Variants in HSD17B11 observed in about 807,000 individuals in gnomAD.
HSD17B11 encodes the protein estradiol 17-beta-dehydrogenase 11.
HSD17B11 carries 22 observed loss-of-function variants against 27.8 expected under a neutral mutation model. That is an observed-to-expected ratio of 0.79 (90% CI 0.56 to 1.13). The LOEUF (loss-of-function observed/expected upper bound fraction) is 1.13, where lower values mean the gene tolerates loss of function less well. Ranked by LOEUF, HSD17B11 falls within the 50% of genes most tolerant of loss-of-function variation. The pLI, the probability that HSD17B11 is intolerant of heterozygous loss-of-function variation, is 0.00. For synonymous variants in HSD17B11, 117 were observed against 132.8 expected, an observed-to-expected ratio of 0.88 and a Z score of 0.82; for missense variants, 314 against 351.1, an observed-to-expected ratio of 0.89 and a Z score of 0.84.
Position 87,371,335 on chromosome 4 carries a change from T to G in HSD17B11, c.557+1374A>C, listed in dbSNP as rs139105850. The stretch of plus-strand genomic sequence containing the variant: ...ATAACACGGATAAATCTCACAAATA[T>G]AGTGTGATTCCATGGACATAAAGAT... On this transcript the variant is annotated intron_variant, in intron 4 of 6. Coordinates refer to ENST00000358290, the MANE Select transcript of HSD17B11 (RefSeq NM_016245.5). 9.9e-5 allele frequency among the ~76,000 whole-genome samples: 15 copies of G among 152,264 alleles called. No individual in the cohort carries two copies. In the East Asian group the frequency reaches 2.9e-3, roughly 29 times the overall value.
chr4:87,391,153 C>T lies in HSD17B11; in HGVS notation c.-83G>A. 1 of 1,003,820 alleles carries T rather than the reference C, an allele frequency of 1.0e-6. No individual in the cohort carries two copies. 62.2% of individuals were successfully genotyped at this position (1,003,820 alleles called of 1,614,324 possible). ...GCTTTTAGAGGGTAGCTCGATCTAA[C>T]ACCAGAAAGAGTAGGGGCGAGAGCA... is the stretch of plus-strand genomic sequence containing the variant. On this transcript the variant is annotated 5_prime_UTR_variant, in exon 1 of 7. Coordinates refer to ENST00000358290, the MANE Select transcript of HSD17B11 (RefSeq NM_016245.5).
intron 2 of HSD17B11, among the ~76,000 whole-genome samples, chr4:87,380,924 T>C (rs1462990369): frequency 1.4e-5 from 2 of 142,234 alleles, no homozygotes; most frequent in Non-Finnish European, 3.0e-5. Flanking sequence ...CTCACGCGTG[T>C]AATCCCAGCA....
At position 87,383,442 on chromosome 4, in the gene HSD17B11, GA is replaced by G. The variant is rs1440725937; in HGVS notation, c.211-1081del. ...ACAAACTTGAAATGTGGCATTAGTAGAAAAAATGTAGAGGAAAGAATATCCT... is the reference window on the plus strand; with the variant it reads ...ACAAACTTGAAATGTGGCATTAGTAGAAAAATGTAGAGGAAAGAATATCCT... On this transcript the variant is annotated intron_variant, in intron 1 of 6. Transcript: ENST00000358290. Among the ~76,000 whole-genome samples the G allele has an allele frequency of 2.6e-5, 4 of 152,088 alleles. No homozygotes were observed. The East Asian group carries it at 7.7e-4, about 29-fold the overall frequency.
chr4:87,356,345 T>C (rs1442164885), intron 5 of HSD17B11, among the ~76,000 whole-genome samples: 1 of 152,214 alleles, frequency 6.6e-6, no homozygotes, highest in Non-Finnish European at 1.5e-5. Flanking sequence ...CTGTTAAAAA[T>C]CCAGAACACT....
chr4:87,344,353 C>T (rs1426431279), intron 5 of HSD17B11, among the ~76,000 whole-genome samples: 1 of 152,108 alleles, frequency 6.6e-6, no homozygotes, highest in Non-Finnish European at 1.5e-5. Context: ...GATCAGAACA[C>T]TCAATTACAC....
intron 2 of HSD17B11, among the ~76,000 whole-genome samples, chr4:87,378,711 C>G (rs536425917): frequency 7.1e-6 from 1 of 141,488 alleles, no homozygotes; most frequent in Non-Finnish European, 1.5e-5. Flanking sequence ...CATCCTTCTA[C>G]TCTCTATCTC....
At chr4:87,361,641 C>T (rs1735518328) in intron 4 of HSD17B11, among the ~76,000 whole-genome samples, 1 of 152,142 alleles carries the variant, frequency 6.6e-6, no homozygotes, top group Non-Finnish European at 1.5e-5. Context: ...GTGGCGGGCA[C>T]CTGTAGTCCC....
intron 1 of HSD17B11, among the ~76,000 whole-genome samples, chr4:87,384,999 C>T (rs574652811): frequency 3.0e-4 from 46 of 152,148 alleles, no homozygotes; most frequent in African/African-American, 7.7e-4. Flanking sequence ...ATTTCTCAGC[C>T]GGCTGACACT....
At chr4:87,382,140 G>T in intron 2 of HSD17B11, 115 bp downstream of exon 2, 1 of 743,066 alleles carries the variant, frequency 1.3e-6, no homozygotes, top group Non-Finnish European at 2.3e-6. Context: ...CTATAACCTT[G>T]GTCAAATAAC....
At chr4:87,389,061 A>C (rs549562681) in intron 1 of HSD17B11, among the ~76,000 whole-genome samples, 1 of 152,322 alleles carries the variant, frequency 6.6e-6, no homozygotes, top group South Asian at 2.1e-4. Context: ...AAGGAACTAA[A>C]GCTGTGGAAA....
chr4:87,387,738 C>T lies in HSD17B11; in HGVS notation c.210+3123G>A, dbSNP rs533562834. Among the ~76,000 whole-genome samples the T allele has an allele frequency of 2.6e-4, 39 of 152,126 alleles. No homozygotes were observed. The South Asian group carries it at 5.4e-3, about 21-fold the overall frequency. On this transcript the variant is annotated intron_variant, in intron 1 of 6. Transcript: ENST00000358290. Reference sequence around the variant, plus strand: ...CATTAACAAATATATTTTTTACCCACAAAAAGTAGGAAGGATATAATCTCA... The same window carrying T: ...CATTAACAAATATATTTTTTACCCATAAAAAGTAGGAAGGATATAATCTCA...
chr4:87,354,650 AT>A (rs372099476), intron 5 of HSD17B11, among the ~76,000 whole-genome samples: 1,796 of 149,126 alleles, frequency 0.012, 67 homozygotes, highest in African/African-American at 0.04. Flanking sequence ...CTCAAAAAAA[AT>A]AAAAAAAATA....
chr4:87,359,190 T>G (rs900801414), intron 4 of HSD17B11, among the ~76,000 whole-genome samples: 3 of 152,166 alleles, frequency 2.0e-5, no homozygotes, highest in African/African-American at 7.2e-5. Flanking sequence ...TTGGCCAGTC[T>G]TGGGCAGTTA....
chr4:87,354,450 T>G (rs897698883), intron 5 of HSD17B11, among the ~76,000 whole-genome samples: 6 of 151,826 alleles, frequency 4.0e-5, no homozygotes, highest in Non-Finnish European at 7.4e-5. Flanking sequence ...GAGCCCAGCC[T>G]GTGCAACATA....
chr4:87,359,381 T>G (rs1560762124), intron 4 of HSD17B11, among the ~76,000 whole-genome samples: 1 of 152,234 alleles, frequency 6.6e-6, no homozygotes, highest in Non-Finnish European at 1.5e-5. Context: ...TGGAGTTTTT[T>G]GGGGAGTCTT....
chr4:87,389,797 C>G (rs1464971550), intron 1 of HSD17B11, among the ~76,000 whole-genome samples: 3 of 152,154 alleles, frequency 2.0e-5, no homozygotes, highest in Non-Finnish European at 2.9e-5. Context: ...TACCAAAGGT[C>G]AAATAAAAGG....
At position 87,370,755 on chromosome 4, in the gene HSD17B11, A is replaced by ATTATTATTAT. The variant is rs70957229; in HGVS notation, c.557+1953_557+1954insATAATAATAA. 4.9e-3 allele frequency among the ~76,000 whole-genome samples: 283 copies of ATTATTATTAT among 57,464 alleles called. 7 individuals carry two copies. The highest frequency in any genetic ancestry group is 8.6e-3 in the East Asian group (21 of 2,436). 37.7% of individuals were successfully genotyped at this position (57,464 alleles called of 152,430 possible). A position where few individuals can be genotyped will look rare whatever the true frequency, so the allele number is the denominator to read the frequency against. ...TATTATTATTATTATTATTATTATTATTTTTTTTTTTTTTTGAGACGGAGT... is the reference window on the plus strand; with the variant it reads ...TATTATTATTATTATTATTATTATTATTATTATTATTTTTTTTTTTTTTTTGAGACGGAGT... On this transcript the variant is annotated intron_variant, in intron 4 of 6. Transcript: ENST00000358290.
Position 87,389,225 on chromosome 4 carries a change from AATTT to A in HSD17B11, c.210+1632_210+1635del, listed in dbSNP as rs553936589. 7.5e-3 allele frequency among the ~76,000 whole-genome samples: 1,141 copies of A among 152,018 alleles called. 12 individuals are homozygous for A. The highest frequency in any genetic ancestry group is 0.026 in the African/African-American group (1,086 of 41,458). The stretch of plus-strand genomic sequence containing the variant: ...TTTTATTTATTAATTTAATTTAATT[AATTT>A]ATTTATTTTTAAGACAGAGTTTTGC... On this transcript the variant is annotated intron_variant, in intron 1 of 6. Coordinates refer to ENST00000358290, the MANE Select transcript of HSD17B11 (RefSeq NM_016245.5).
At chr4:87,353,354 T>C (rs559022844) in intron 5 of HSD17B11, among the ~76,000 whole-genome samples, 1 of 152,342 alleles carries the variant, frequency 6.6e-6, no homozygotes, top group South Asian at 2.1e-4. Flanking sequence ...AAAGTATTGT[T>C]GTGAGGTTTA....
Sources: gnomAD v4.1 joint callset for allele counts (sites outside exome capture counted in the v4.1 genomes callset) on GRCh38, gnomAD v4.1.1 for gene constraint, MANE v1.5 for transcripts, NCBI Gene and HGNC (gene_info 2026-07-23, HGNC 2026-07-21) for gene names.